Variants in ZNFX1 observed in about 807,000 individuals in gnomAD.
ZNFX1 encodes the protein NFX1-type zinc finger-containing protein 1.
In ZNFX1, 78 loss-of-function variants were observed where a neutral mutation model predicts 179.8. The observed-to-expected ratio is 0.43, with a 90% CI of 0.36 to 0.52. ZNFX1 has a LOEUF of 0.52. Among genes scored for constraint, ZNFX1 ranks in the 20% least tolerant of loss-of-function variants. The pLI is 0.00. For synonymous variants in ZNFX1, 848 were observed against 868.5 expected, an observed-to-expected ratio of 0.98 and a Z score of 0.42; for missense variants, 1,927 against 2,386.6, an observed-to-expected ratio of 0.81 and a Z score of 4.01.
In ZNFX1 at chr20:49,270,940, G is replaced by A. The variant is rs1387142954; in HGVS notation, c.872C>T (p.Thr291Met). ...RASGVDIEEE[T>M]EKNLEKVQTI... ...CTGTACCTTTTCCAGGTTCTTCTCC[G>A]TTTCCTCTTCTATGTCAACACCAGA... Residue 291 changes from threonine (T) to methionine (M), a missense_variant, in exon 3 of 14, where the codon ACG becomes ATG. Coordinates refer to ENST00000396105, the MANE Select transcript of ZNFX1 (RefSeq NM_021035.3). This position sits in a 1 kb window ranked among gnomAD's most constrained non-coding sequence, Gnocchi z 4.6. 8.1e-6 allele frequency: 13 copies of A among 1,613,930 alleles called. No homozygotes were observed. The East Asian group carries it at 1.1e-4, about 14-fold the overall frequency.
At chr20:49,250,522 G>T (rs1020254973) in intron 13 of ZNFX1, among the ~76,000 whole-genome samples, 7 of 152,090 alleles carry the variant, frequency 4.6e-5, no homozygotes, top group Admixed American at 3.9e-4. Flanking sequence ...ATGTGCCCCA[G>T]CCTGGTTTTG....
chr20:49,272,595 T>G (rs1349588123), intron 2 of ZNFX1, among the ~76,000 whole-genome samples: 1 of 152,190 alleles, frequency 6.6e-6, no homozygotes, highest in Non-Finnish European at 1.5e-5. Flanking sequence ...GAATATCCTA[T>G]TGATTCTAAG....
intron 7 of ZNFX1, 122 bp downstream of exon 7, chr20:49,260,341 G>A (rs1051591857): frequency 6.5e-6 from 3 of 465,070 alleles, no homozygotes; most frequent in Non-Finnish European, 1.1e-5. Context: ...TAAGCTATTT[G>A]TCTTTCTCTG....
intron 3 of ZNFX1, among the ~76,000 whole-genome samples, chr20:49,266,517 C>T (rs969306871): frequency 3.3e-5 from 5 of 152,100 alleles, no homozygotes; most frequent in Admixed American, 2.6e-4. Flanking sequence ...ACAAACAATA[C>T]AAATGTGTAT....
intron 5 of ZNFX1, among the ~76,000 whole-genome samples, chr20:49,264,053 C>G (rs1182734916): frequency 1.3e-5 from 2 of 152,178 alleles, no homozygotes; most frequent in African/African-American, 2.4e-5. Flanking sequence ...GAAATCTTGT[C>G]TCTACTAAAA....
At chr20:49,256,426 C>A (rs1229024745) in intron 8 of ZNFX1, among the ~76,000 whole-genome samples, 1 of 152,160 alleles carries the variant, frequency 6.6e-6, no homozygotes, top group Non-Finnish European at 1.5e-5. Context: ...CAGTGCCTAG[C>A]AACTGGTGCT....
intron 5 of ZNFX1, 96 bp downstream of exon 5, chr20:49,264,620 C>T: frequency 6.7e-7 from 1 of 1,494,594 alleles, no homozygotes; most frequent in Non-Finnish European, 9.1e-7. Flanking sequence ...TTTGAGGAGC[C>T]TCCAAATCTA....
chr20:49,253,882 G>A, intron 10 of ZNFX1, 71 bp from the exon 11 acceptor site: 1 of 1,569,506 alleles, frequency 6.4e-7, no homozygotes, highest in South Asian at 1.1e-5. Context: ...CTGGGCCTCT[G>A]GGAATCCACT....
chr20:49,249,714 G>C lies in ZNFX1; in HGVS notation c.3313-3C>G. On this transcript the variant is annotated splice_polypyrimidine_tract_variant and splice_region_variant and intron_variant, in intron 13 of 13. Transcript: ENST00000396105. ...AAGAAAAGGTTGGAAGACACCCCCT[G>C]ACAGGGAAAAGAAGTGACATGTTAA... 6.2e-7 allele frequency: 1 copy of C among 1,605,450 alleles called. No homozygotes were observed. Among genetic ancestry groups the C allele is most frequent in the Non-Finnish European group, 8.5e-7 (1 of 1,174,604 alleles).
At chr20:49,264,625 A>G in intron 5 of ZNFX1, 91 bp downstream of exon 5, 1 of 1,522,346 alleles carries the variant, frequency 6.6e-7, no homozygotes, top group Non-Finnish European at 8.9e-7. Flanking sequence ...GGAGCCTCCA[A>G]ATCTACCCTG....
At chr20:49,260,364 CTCTT>C in intron 7 of ZNFX1, 95 bp downstream of exon 7, 1 of 667,728 alleles carries the variant, frequency 1.5e-6, no homozygotes, top group Non-Finnish European at 2.4e-6. Flanking sequence ...TGACTCATAG[CTCTT>C]TATTTATTCT....
intron 6 of ZNFX1, 34 bp from the exon 7 acceptor site, chr20:49,260,611 C>T: frequency 6.8e-7 from 1 of 1,477,854 alleles, no homozygotes; most frequent in Middle Eastern, 1.7e-4. Context: ...TGTGAGGATT[C>T]TATGACAACC....
Position 49,270,296 on chromosome 20 carries a change from C to T in ZNFX1, c.1516G>A (p.Val506Ile), listed in dbSNP as rs1310113688. 7 of 1,613,984 alleles carry T rather than the reference C, an allele frequency of 4.3e-6. No homozygotes were observed. In the East Asian group the frequency reaches 1.1e-4, roughly 26 times the overall value. The change falls in exon 3 of 14, where the codon GTA becomes ATA. Residue 506 changes from valine (V) to isoleucine (I), a missense_variant. Val to Ile is a conservative substitution (Grantham distance 29, BLOSUM62 3). Transcript: ENST00000396105. The surrounding 1 kb of genome is among the most constrained non-coding windows in gnomAD (Gnocchi z 4.6). The stretch of plus-strand genomic sequence containing the variant: ...GCCTCAAAGTATGCAGTTGTCTCTA[C>T]CATGAGGAAAGAGTCAGAGGGCTGG... ...EVQPSDSFLM[V>I]ETTAYFEAYR...
rs985012228 is a variant in ZNFX1 at position 49,246,546 on chromosome 20, A to T, written c.*721T>A. ...AAACAACTATGGGCCTCTGTTTATTATGAGAGTTAGTCTGCAAATTAGGGC... is the reference window on the plus strand; with the variant it reads ...AAACAACTATGGGCCTCTGTTTATTTTGAGAGTTAGTCTGCAAATTAGGGC... On this transcript the variant is annotated 3_prime_UTR_variant, in exon 14 of 14. Transcript: ENST00000396105. 1.9e-5 allele frequency: 4 copies of T among 214,562 alleles called. No individual in the cohort carries two copies. Among genetic ancestry groups the T allele is most frequent in the Non-Finnish European group, 3.8e-5 (4 of 105,270 alleles). The allele number at this position is 214,562 out of a possible 1,614,324, so 13.3% of individuals were successfully genotyped here. A position where few individuals can be genotyped will look rare whatever the true frequency, so the allele number is the denominator to read the frequency against.
chr20:49,275,286 G>A (rs140017814), intron 2 of ZNFX1, among the ~76,000 whole-genome samples: 2 of 152,182 alleles, frequency 1.3e-5, no homozygotes, highest in African/African-American at 4.8e-5. Context: ...GAAAAGTGGA[G>A]GGTTGGCTGT....
intron 7 of ZNFX1, 22 bp from the exon 8 acceptor site, chr20:49,257,686 G>C: frequency 6.3e-7 from 1 of 1,584,202 alleles, no homozygotes; most frequent in South Asian, 1.2e-5. Context: ...AAACAGGCAG[G>C]AGAGAGATGA....
rs1980712078 is a variant in ZNFX1 at position 49,247,616 on chromosome 20, T to C, written c.5408A>G (p.Gln1803Arg). 6.2e-7 allele frequency: 1 copy of C among 1,614,116 alleles called. No individual in the cohort carries two copies. Among genetic ancestry groups the C allele is most frequent in the Admixed American group, 1.7e-5 (1 of 60,006 alleles). Residue 1803 changes from glutamine (Q) to arginine (R), a missense_variant, in exon 14 of 14, where the codon CAA (glutamine) becomes CGA (arginine). By Grantham distance (43) the Gln-to-Arg change is conservative. Coordinates refer to ENST00000396105, the MANE Select transcript of ZNFX1 (RefSeq NM_021035.3). ...TTCCTGCACAAGTTGTTCATCCTCTTGGGTGAACTTACATGTTTTCTCAAG... is the reference window on the plus strand; with the variant it reads ...TTCCTGCACAAGTTGTTCATCCTCTCGGGTGAACTTACATGTTTTCTCAAG... ...NILEKTCKFT[Q>R]EDEQLVQEKM...
At chr20:49,273,067 G>T (rs238186) in intron 2 of ZNFX1, among the ~76,000 whole-genome samples, 103,799 of 151,722 alleles carry the variant, frequency 0.68, 36,427 homozygotes, top group Non-Finnish European at 0.77. Context: ...ACCATTTCCT[G>T]ACATCAGATA....
chr20:49,265,248 C>G (rs1321797193), intron 4 of ZNFX1, among the ~76,000 whole-genome samples: 1 of 152,188 alleles, frequency 6.6e-6, no homozygotes, highest in African/African-American at 2.4e-5. Flanking sequence ...TAGCTAGGGC[C>G]CAGCACAAAG....
Sources: allele counts gnomAD v4.1 joint callset (sites outside exome capture counted in the v4.1 genomes callset), GRCh38; gene constraint gnomAD v4.1.1; non-coding constraint Gnocchi (gnomAD v3.1); transcripts MANE v1.5; gene names NCBI Gene and HGNC (gene_info 2026-07-23, HGNC 2026-07-21).